The following NRXN1 variants were observed in gnomAD, a reference collection of about 807,000 sequenced individuals.
NRXN1 encodes the protein neurexin 1.
In NRXN1, 39 loss-of-function variants were observed where a neutral mutation model predicts 150.9. That is an observed-to-expected ratio of 0.26 (90% CI 0.20 to 0.34). The LOEUF is 0.34. Among genes scored for constraint, NRXN1 ranks in the 10% least tolerant of loss-of-function variants. The probability of loss-of-function intolerance (pLI) is 1.00; values close to 1 mark genes in which losing one functional copy is unlikely to be tolerated. For synonymous variants in NRXN1, 924 were observed against 757.0 expected (o/e 1.22, Z -3.62); for missense variants, 1,815 against 1,949.9 (o/e 0.93, Z 1.30).
intron 8 of NRXN1, among the ~76,000 whole-genome samples, chr2:50,577,756 T>G (rs1671656768): frequency 6.6e-6 from 1 of 151,426 alleles, no homozygotes; most frequent in African/African-American, 2.4e-5. Flanking sequence ...TGGTATGTCT[T>G]TTGAAAGGAA....
At chr2:50,032,988 C>A (rs959192749) in intron 21 of NRXN1, among the ~76,000 whole-genome samples, 2 of 151,428 alleles carry the variant, frequency 1.3e-5, no homozygotes, top group African/African-American at 4.9e-5. Flanking sequence ...ACTGTGTATA[C>A]ACATTATATA....
At chr2:50,515,958 C>A (rs1172861558) in intron 12 of NRXN1, among the ~76,000 whole-genome samples, 1 of 152,072 alleles carries the variant, frequency 6.6e-6, no homozygotes, top group Non-Finnish European at 1.5e-5. Flanking sequence ...CCATTACTTT[C>A]TGGTTTTAAA....
intron 18 of NRXN1, among the ~76,000 whole-genome samples, chr2:50,224,733 G>C (rs1041872504): frequency 3.2e-5 from 4 of 125,122 alleles, no homozygotes; most frequent in African/African-American, 9.1e-5. Context: ...GAGAGAGAGA[G>C]AATGGTTAAA....
chr2:50,604,902 C>G (rs36045654), intron 8 of NRXN1, among the ~76,000 whole-genome samples: 30,444 of 152,104 alleles, frequency 0.2, 3,782 homozygotes, highest in East Asian at 0.37. Flanking sequence ...TTTTTCAACC[C>G]AAATCCTCAT....
At chr2:50,711,927 G>T (rs1695219658) in intron 5 of NRXN1, among the ~76,000 whole-genome samples, 1 of 152,094 alleles carries the variant, frequency 6.6e-6, no homozygotes, top group South Asian at 2.1e-4. Context: ...CCAGACGCCG[G>T]CACCTTGATC....
intron 8 of NRXN1, among the ~76,000 whole-genome samples, chr2:50,600,016 C>G (rs966411676): frequency 2.0e-5 from 3 of 151,820 alleles, no homozygotes; most frequent in African/African-American, 7.3e-5. Flanking sequence ...ATTAAACTAC[C>G]CAGAGTTCTA....
chr2:50,076,729 T>G (rs1482545378), intron 19 of NRXN1, among the ~76,000 whole-genome samples: 1 of 152,084 alleles, frequency 6.6e-6, no homozygotes, highest in Non-Finnish European at 1.5e-5. Context: ...TTAAGAGGAG[T>G]ATTCAAGTTA....
At chr2:50,417,092 G>A (rs181752398) in intron 17 of NRXN1, 2 of 152,198 alleles carry the variant, frequency 1.3e-5, no homozygotes. Flanking sequence ...CCTTGAATGA[G>A]GAAAGAGATT....
At chr2:51,001,342 A>C (rs936164793) in intron 2 of NRXN1, among the ~76,000 whole-genome samples, 1 of 151,870 alleles carries the variant, frequency 6.6e-6, no homozygotes, top group African/African-American at 2.4e-5. Context: ...CAGAGCAAAA[A>C]ATCGTACTCA....
At chr2:50,739,419 C>A in intron 5 of NRXN1, 2 of 233,050 alleles carry the variant, frequency 8.6e-6, no homozygotes, top group Non-Finnish European at 9.0e-6. Flanking sequence ...GGATGAACCA[C>A]AAAAAATGTC....
intron 2 of NRXN1, among the ~76,000 whole-genome samples, chr2:50,939,252 C>T (rs1689035717): frequency 6.7e-6 from 1 of 150,044 alleles, no homozygotes; most frequent in Non-Finnish European, 1.5e-5. Flanking sequence ...ATGTAGGTAG[C>T]CCCATTAAAA....
chr2:50,799,816 T>A (rs917140398), intron 5 of NRXN1, among the ~76,000 whole-genome samples: 38 of 152,164 alleles, frequency 2.5e-4, no homozygotes, highest in African/African-American at 8.9e-4. Context: ...TCAAGAAGCA[T>A]CTGTATTTGT....
intron 5 of NRXN1, among the ~76,000 whole-genome samples, chr2:50,674,253 A>G (rs1378878375): frequency 6.6e-6 from 1 of 152,158 alleles, no homozygotes; most frequent in African/African-American, 2.4e-5. Flanking sequence ...TTCTCGTTAG[A>G]TAACAGAGCC....
At chr2:49,937,321 C>A (rs1671224792) in intron 22 of NRXN1, among the ~76,000 whole-genome samples, 1 of 152,126 alleles carries the variant, frequency 6.6e-6, no homozygotes, top group South Asian at 2.1e-4. Context: ...CAGTGAGTTG[C>A]CCTCGGGCTG....
chr2:50,396,334 G>C (rs1023435445), intron 17 of NRXN1, among the ~76,000 whole-genome samples: 1 of 152,090 alleles, frequency 6.6e-6, no homozygotes, highest in Non-Finnish European at 1.5e-5. Flanking sequence ...TTGCTTAACA[G>C]TATCACATGT....
At chr2:49,983,092 A>G (rs1680248651) in intron 21 of NRXN1, among the ~76,000 whole-genome samples, 1 of 152,174 alleles carries the variant, frequency 6.6e-6, no homozygotes, top group Non-Finnish European at 1.5e-5. Context: ...GCCTTTCCAA[A>G]TCCTCTAGGA....
At chr2:50,233,243 A>G (rs1187135184) in intron 18 of NRXN1, among the ~76,000 whole-genome samples, 3 of 152,046 alleles carry the variant, frequency 2.0e-5, no homozygotes, top group African/African-American at 7.2e-5. Flanking sequence ...TAAAACCTTA[A>G]CAATTTCAAT....
At chr2:50,753,230 A>G (rs1700804069) in intron 5 of NRXN1, among the ~76,000 whole-genome samples, 1 of 151,956 alleles carries the variant, frequency 6.6e-6, no homozygotes, top group Non-Finnish European at 1.5e-5. Context: ...CAATATGGTT[A>G]TAATTGTAGA....
intron 2 of NRXN1, among the ~76,000 whole-genome samples, chr2:50,954,710 C>T (rs1691980022): frequency 6.6e-6 from 1 of 152,168 alleles, no homozygotes; most frequent in Non-Finnish European, 1.5e-5. Context: ...GCATGCAAAG[C>T]TTACTTCCAG....
Sources: allele counts gnomAD v4.1 joint callset (sites outside exome capture counted in the v4.1 genomes callset), GRCh38; gene constraint gnomAD v4.1.1; transcripts MANE v1.5; gene names NCBI Gene and HGNC (gene_info 2026-07-23, HGNC 2026-07-21).